Variants in PPP1R1C observed in about 807,000 individuals in gnomAD.
PPP1R1C encodes protein phosphatase 1 regulatory subunit 1C.
Under a neutral mutation model 17.4 loss-of-function variants are expected in PPP1R1C, and 15 were observed. That is an observed-to-expected ratio of 0.86 (90% confidence interval 0.58 to 1.33). PPP1R1C has a LOEUF of 1.33. PPP1R1C is among the 40% of genes most tolerant of loss of function. PPP1R1C has a pLI of 0.00. For missense variants in PPP1R1C, 143 were observed against 130.0 expected (o/e 1.10, Z -0.48); for synonymous variants, 35 against 43.1 (o/e 0.81, Z 0.73).
chr2:182,097,954 C>CA (rs1688992266), intron 4 of PPP1R1C, among the ~76,000 whole-genome samples: 1 of 152,180 alleles, frequency 6.6e-6, no homozygotes, highest in Non-Finnish European at 1.5e-5. Flanking sequence ...TTTTACCTCT[C>CA]ACGTGATCAA....
chr2:181,980,990 G>A (rs933705235), upstream of PPP1R1C, among the ~76,000 whole-genome samples: 1 of 149,254 alleles, frequency 6.7e-6, no homozygotes, highest in African/African-American at 2.5e-5. Context: ...GTGCAGTGGC[G>A]GGATCTCGGC....
intron 2 of PPP1R1C, among the ~76,000 whole-genome samples, chr2:182,003,687 ATGTG>A (rs113337793): frequency 6.7e-6 from 1 of 149,504 alleles, no homozygotes; most frequent in Non-Finnish European, 1.5e-5. Flanking sequence ...TTTTTGCTGG[ATGTG>A]TGTGTGTGTG....
At chr2:181,987,956 C>G in intron 2 of PPP1R1C, 57 bp downstream of exon 2, 2 of 1,394,460 alleles carry the variant, frequency 1.4e-6, no homozygotes, top group South Asian at 2.6e-5. Flanking sequence ...GTTTAAAGAA[C>G]ATCAAAGTAC....
intron 5 of PPP1R1C, among the ~76,000 whole-genome samples, chr2:182,125,624 GGA>G (rs1172686937): frequency 1.3e-5 from 2 of 151,994 alleles, no homozygotes; most frequent in Non-Finnish European, 2.9e-5. Context: ...TTTAGTCTTG[GGA>G]GAGTGTATAT....
intron 4 of PPP1R1C, among the ~76,000 whole-genome samples, chr2:182,116,105 A>T (rs1263091986): frequency 6.6e-6 from 1 of 152,098 alleles, no homozygotes; most frequent in Non-Finnish European, 1.5e-5. Context: ...TTATACTCTA[A>T]ATTTGAAATA....
At chr2:182,031,292 C>A (rs544316722) in intron 2 of PPP1R1C, among the ~76,000 whole-genome samples, 2 of 152,316 alleles carry the variant, frequency 1.3e-5, no homozygotes, top group African/African-American at 4.8e-5. Context: ...ATAAGATTCA[C>A]CTGATAATGA....
intron 4 of PPP1R1C, among the ~76,000 whole-genome samples, chr2:182,074,064 C>T (rs1382981200): frequency 5.9e-5 from 8 of 136,454 alleles, no homozygotes; most frequent in South Asian, 2.3e-4. Context: ...TTTTTTGAGA[C>T]GGAGTCTCAC....
intron 2 of PPP1R1C, among the ~76,000 whole-genome samples, chr2:181,980,820 C>T (rs1210121439): frequency 1.3e-5 from 2 of 152,082 alleles, no homozygotes; most frequent in Non-Finnish European, 2.9e-5. Context: ...CAGTTCAATT[C>T]AGCACTCATA....
intron 2 of PPP1R1C, among the ~76,000 whole-genome samples, chr2:182,014,596 G>A (rs1160622363): frequency 2.6e-5 from 4 of 151,918 alleles, no homozygotes; most frequent in Non-Finnish European, 2.9e-5. Flanking sequence ...AGTAAGTGGC[G>A]AATCCAGCCA....
At chr2:182,069,650 T>G (rs1688086409) in intron 4 of PPP1R1C, among the ~76,000 whole-genome samples, 1 of 152,184 alleles carries the variant, frequency 6.6e-6, no homozygotes. Context: ...TGATGCCACT[T>G]AAACATTGGA....
intron 4 of PPP1R1C, among the ~76,000 whole-genome samples, chr2:182,108,275 C>G (rs1041452522): frequency 1.3e-5 from 2 of 152,076 alleles, no homozygotes; most frequent in African/African-American, 4.8e-5. Flanking sequence ...TACAGTATTT[C>G]TTAGCTCTCT....
intron 1 of PPP1R1C, among the ~76,000 whole-genome samples, chr2:181,986,837 T>G (rs971137906): frequency 6.6e-6 from 1 of 152,218 alleles, no homozygotes; most frequent in Non-Finnish European, 1.5e-5. Context: ...TTACTTAGAT[T>G]CTTGATGCAA....
At chr2:182,104,354 C>G (rs2125229595) in intron 4 of PPP1R1C, among the ~76,000 whole-genome samples, 1 of 152,250 alleles carries the variant, frequency 6.6e-6, no homozygotes, top group South Asian at 2.1e-4. Flanking sequence ...TTGAGGTATA[C>G]TCCTTTTATA....
At chr2:181,958,370 G>C (rs1401658245) in intron 1 of PPP1R1C, among the ~76,000 whole-genome samples, 1 of 152,206 alleles carries the variant, frequency 6.6e-6, no homozygotes, top group Admixed American at 6.5e-5. Flanking sequence ...CAAAAAGGCT[G>C]CAGTAAACCA....
chr2:182,095,414 G>A (rs908137558), intron 4 of PPP1R1C, among the ~76,000 whole-genome samples: 1 of 152,178 alleles, frequency 6.6e-6, no homozygotes, highest in South Asian at 2.1e-4. Flanking sequence ...TATTTGGCTT[G>A]TCTCAGAAAG....
At chr2:182,110,904 A>G (rs760749124) in intron 4 of PPP1R1C, among the ~76,000 whole-genome samples, 2 of 152,094 alleles carry the variant, frequency 1.3e-5, no homozygotes, top group Non-Finnish European at 2.9e-5. Context: ...TGGGGAATGC[A>G]TTAGCTTCAG....
At chr2:182,038,826 T>C (rs1313922173) in intron 2 of PPP1R1C, among the ~76,000 whole-genome samples, 3 of 152,116 alleles carry the variant, frequency 2.0e-5, no homozygotes, top group Admixed American at 6.5e-5. Flanking sequence ...CTTTTAAGAG[T>C]CATCAACTGC....
At chr2:181,980,989 C>T (rs1031650156), upstream of PPP1R1C, among the ~76,000 whole-genome samples, 5 of 141,926 alleles carry the variant, frequency 3.5e-5, no homozygotes, top group Admixed American at 7.2e-5. Context: ...AGTGCAGTGG[C>T]GGGATCTCGG....
intron 1 of PPP1R1C, chr2:181,975,153 A>G (rs1685074066): frequency 6.6e-6 from 1 of 151,250 alleles, no homozygotes; most frequent in East Asian, 1.9e-4. Flanking sequence ...GTTTTGAAGA[A>G]CTAAACTGGA....
Sources: gnomAD v4.1 joint callset for allele counts (sites outside exome capture counted in the v4.1 genomes callset) on GRCh38, gnomAD v4.1.1 for gene constraint, MANE v1.5 for transcripts, NCBI Gene and HGNC (gene_info 2026-07-23, HGNC 2026-07-21) for gene names.